The following DIO1 variants were observed in gnomAD, a reference collection of about 807,000 sequenced individuals.
DIO1 encodes iodothyronine deiodinase 1.
DIO1 carries 17 observed loss-of-function variants against 25.9 expected under a neutral mutation model. The ratio of observed to expected loss-of-function variants is 0.66; its 90% CI spans 0.45 to 0.98. DIO1 has a LOEUF of 0.98. Among genes scored for constraint, DIO1 ranks in the 50% least tolerant of loss-of-function variants. DIO1 has a pLI of 0.00. For missense variants in DIO1, 270 were observed against 310.4 expected, an observed-to-expected ratio of 0.87 and a Z score of 0.98; for synonymous variants, 115 against 114.0, an observed-to-expected ratio of 1.01 and a Z score of -0.05.
At chr1:53,903,570 T>C (rs1651485567) in intron 1 of DIO1, among the ~76,000 whole-genome samples, 1 of 151,872 alleles carries the variant, frequency 6.6e-6, no homozygotes, top group Non-Finnish European at 1.5e-5. Flanking sequence ...TATTTCAGGC[T>C]GGGCACGGTG....
rs1335127859 is a variant in DIO1 at position 53,904,788 on chromosome 1, A to G, written c.460A>G (p.Ile154Val). The G allele has an allele frequency of 6.2e-6, 10 of 1,612,438 alleles. No individual in the cohort carries two copies. The highest frequency in any genetic ancestry group is 1.3e-5 in the African/African-American group (1 of 74,880). Residue 154 changes from isoleucine (I) to valine (V), a missense_variant, in exon 2 of 4, where the codon ATT becomes GTT. Coordinates refer to ENST00000361921, the MANE Select transcript of DIO1 (RefSeq NM_000792.7). ...SSIADFLVIY[I>V]EEAHASDGWA... is the part of the protein sequence containing the mutation. ...CATAGCAGATTTTCTTGTCATTTAC[A>G]TTGAAGAAGCACATGCATCAGGTAC...
chr1:53,898,686 A>C (rs2100762747), intron 1 of DIO1, among the ~76,000 whole-genome samples: 1 of 146,430 alleles, frequency 6.8e-6, no homozygotes, highest in African/African-American at 2.5e-5. Context: ...TGGAGTTTGT[A>C]GTGAGCTGAG....
intron 1 of DIO1, among the ~76,000 whole-genome samples, chr1:53,900,409 T>G (rs2284455): frequency 0.23 from 34,615 of 152,022 alleles, 4,181 homozygotes; most frequent in African/African-American, 0.3. Flanking sequence ...TTCAAGACCA[T>G]CCTGGCCAAC....
rs1190289519 is a variant in DIO1 at position 53,910,228 on chromosome 1, CCAGTTCCCTGTTGAAGAAA to C, written c.*249_*267del. On this transcript the variant is annotated 3_prime_UTR_variant, in exon 4 of 4. Coordinates refer to ENST00000361921, the MANE Select transcript of DIO1 (RefSeq NM_000792.7). The stretch of plus-strand genomic sequence containing the variant: ...TGAAGCAACACTTGAGCTGTTCAGG[CCAGTTCCCTGTTGAAGAAA>C]CAGTTCCCTGTTGAAGAAAGTAGAG... 79 of 533,968 alleles carry C rather than the reference CCAGTTCCCTGTTGAAGAAA, an allele frequency of 1.5e-4. No individual in the cohort carries two copies. Among genetic ancestry groups the C allele is most frequent in the Admixed American group, 1.3e-3 (41 of 32,182 alleles). The allele number at this position is 533,968 out of a possible 1,614,324, so 33.1% of individuals were successfully genotyped here. A position where few individuals can be genotyped will look rare whatever the true frequency, so the allele number is the denominator to read the frequency against.
intron 3 of DIO1, among the ~76,000 whole-genome samples, chr1:53,908,374 C>G (rs1474037628): frequency 6.6e-6 from 1 of 152,196 alleles, no homozygotes; most frequent in Non-Finnish European, 1.5e-5. Flanking sequence ...TGTATAGGGC[C>G]TGATAGTAAA....
chr1:53,906,334 G>T, intron 3 of DIO1, 40 bp downstream of exon 3: 1 of 1,557,506 alleles, frequency 6.4e-7, no homozygotes, highest in Non-Finnish European at 8.8e-7. Context: ...AGGGCAAAGG[G>T]GCCCAGGGAG....
intron 3 of DIO1, among the ~76,000 whole-genome samples, chr1:53,909,025 C>T (rs1242095422): frequency 1.3e-5 from 2 of 150,814 alleles, no homozygotes; most frequent in African/African-American, 2.4e-5. Context: ...ACCTGGGAGG[C>T]GGAGGTTGCA....
intron 1 of DIO1, among the ~76,000 whole-genome samples, chr1:53,901,590 C>T (rs1274537924): frequency 1.3e-5 from 2 of 152,176 alleles, no homozygotes; most frequent in African/African-American, 4.8e-5. Flanking sequence ...ACTGCCTGAG[C>T]CCTGGCTGCC....
intron 2 of DIO1, among the ~76,000 whole-genome samples, chr1:53,905,073 A>T (rs1343507094): frequency 6.6e-6 from 1 of 152,210 alleles, no homozygotes; most frequent in Non-Finnish European, 1.5e-5. Context: ...TGATCGGATA[A>T]ATAGGGAAGT....
At chr1:53,905,165 AT>A (rs1194459720) in intron 2 of DIO1, among the ~76,000 whole-genome samples, 3,343 of 118,968 alleles carry the variant, frequency 0.028, 93 homozygotes, top group African/African-American at 0.084. Flanking sequence ...CCTTATGGCT[AT>A]TTTTTTTTTT....
intron 1 of DIO1, among the ~76,000 whole-genome samples, chr1:53,896,837 C>T (rs1475164949): frequency 6.6e-6 from 1 of 152,172 alleles, no homozygotes; most frequent in East Asian, 1.9e-4. Context: ...AAGAATGAGT[C>T]AGATTTTTGT....
intron 1 of DIO1, among the ~76,000 whole-genome samples, chr1:53,900,208 C>G (rs958740358): frequency 3.3e-5 from 5 of 152,218 alleles, no homozygotes; most frequent in African/African-American, 1.2e-4. Flanking sequence ...CCAGGAAGCT[C>G]AGAGTCAAAA....
At chr1:53,896,552 C>T (rs1293697465) in intron 1 of DIO1, among the ~76,000 whole-genome samples, 2 of 152,108 alleles carry the variant, frequency 1.3e-5, no homozygotes, top group African/African-American at 4.8e-5. Flanking sequence ...TCTTTAGAAC[C>T]TAAGTTCCAC....
intron 1 of DIO1, among the ~76,000 whole-genome samples, chr1:53,904,247 C>G (rs563163607): frequency 2.6e-5 from 4 of 152,340 alleles, no homozygotes; most frequent in African/African-American, 9.6e-5. Flanking sequence ...TAACTCCTCA[C>G]TGACCTGCTG....
In DIO1 at chr1:53,909,897, C is replaced by A. The variant is rs2235544; in HGVS notation, c.682-34C>A. 0.52 allele frequency: 829,482 copies of A among 1,607,938 alleles called. 220,048 individuals carry two copies. Among genetic ancestry groups the A allele is most frequent in the Admixed American group, 0.66 (39,842 of 59,976 alleles). Reference sequence around the variant, plus strand: ...GTTCCTTACAACTTGGAAATCCTTACAAGTTGGGAATGCCTGATTCGTTTC... The same window carrying A: ...GTTCCTTACAACTTGGAAATCCTTAAAAGTTGGGAATGCCTGATTCGTTTC... On this transcript the variant is annotated intron_variant, in intron 3 of 3. Transcript: ENST00000361921.
chr1:53,900,364 G>T (rs1476777532), intron 1 of DIO1, among the ~76,000 whole-genome samples: 1 of 152,202 alleles, frequency 6.6e-6, no homozygotes, highest in Non-Finnish European at 1.5e-5. Context: ...AGCACTTTGG[G>T]AGGCCAAGGC....
chr1:53,907,913 G>GAAAAAA (rs34264508), intron 3 of DIO1, among the ~76,000 whole-genome samples: 1 of 46,782 alleles, frequency 2.1e-5, no homozygotes, highest in African/African-American at 1.4e-4. Flanking sequence ...CTCTGTCTCG[G>GAAAAAA]AAAAAAAAAA....
Position 53,894,649 on chromosome 1 carries a change from T to C in DIO1, c.337+102T>C. 8.9e-7 allele frequency: 1 copy of C among 1,118,762 alleles called. No homozygotes were observed. The highest frequency in any genetic ancestry group is 1.3e-6 in the Non-Finnish European group (1 of 799,124). 69.3% of individuals were successfully genotyped at this position (1,118,762 alleles called of 1,614,324 possible). A position where few individuals can be genotyped will look rare whatever the true frequency, so the allele number is the denominator to read the frequency against. On this transcript the variant is annotated intron_variant, in intron 1 of 3. Transcript: ENST00000361921. This position sits in a 1 kb window ranked among gnomAD's most constrained non-coding sequence, Gnocchi z 4.9. ...TCCTGAATTCTCCTACTACTTTTGC[T>C]GCTCCTTTTGGACCTTCTTGTCCTC...
chr1:53,895,570 C>T (rs1408238586), intron 1 of DIO1, among the ~76,000 whole-genome samples: 1 of 152,188 alleles, frequency 6.6e-6, no homozygotes, highest in Non-Finnish European at 1.5e-5. Flanking sequence ...TTCCTTCTCC[C>T]CGACTTGCCC....
Sources: allele counts gnomAD v4.1 joint callset (sites outside exome capture counted in the v4.1 genomes callset), GRCh38; gene constraint gnomAD v4.1.1; non-coding constraint Gnocchi (gnomAD v3.1); transcripts MANE v1.5; gene names NCBI Gene and HGNC (gene_info 2026-07-23, HGNC 2026-07-21).